The following EHBP1 variants were observed in gnomAD, a reference collection of about 807,000 sequenced individuals.
EHBP1 encodes the protein EH domain-binding protein 1.
A neutral mutation model predicts 144.0 loss-of-function variants in EHBP1; 55 were observed. That is an observed-to-expected ratio of 0.38 (90% confidence interval 0.31 to 0.48). The LOEUF is 0.48. Ranked by LOEUF, EHBP1 falls within the 20% of genes least tolerant of loss-of-function variation. The pLI is 0.98. For synonymous variants in EHBP1, 469 were observed against 472.7 expected (o/e 0.99, Z 0.10); for missense variants, 1,200 against 1,364.2 (o/e 0.88, Z 1.90).
chr2:62,792,903 GT>G (rs907146310), intron 5 of EHBP1, among the ~76,000 whole-genome samples: 68 of 147,904 alleles, frequency 4.6e-4, no homozygotes, highest in African/African-American at 1.0e-3. Context: ...AAATTGATAG[GT>G]TTTTTTTTTG....
intron 5 of EHBP1, among the ~76,000 whole-genome samples, chr2:62,780,830 A>T (rs2042372976): frequency 6.6e-6 from 1 of 152,216 alleles, no homozygotes; most frequent in African/African-American, 2.4e-5. Flanking sequence ...TTTTAGCAAC[A>T]GAGTACTGTT....
At chr2:62,978,084 T>C (rs1482181681) in intron 14 of EHBP1, among the ~76,000 whole-genome samples, 4 of 152,132 alleles carry the variant, frequency 2.6e-5, no homozygotes, top group African/African-American at 7.2e-5. Flanking sequence ...TGCAAAGATA[T>C]GTTGGGGCCA....
chr2:62,737,553 C>T (rs754282760), intron 2 of EHBP1, among the ~76,000 whole-genome samples: 3 of 152,126 alleles, frequency 2.0e-5, no homozygotes, highest in Admixed American at 6.6e-5. Flanking sequence ...GTTTGCCCTG[C>T]GACCTCATTT....
intron 7 of EHBP1, among the ~76,000 whole-genome samples, chr2:62,849,285 C>G (rs1437015546): frequency 6.6e-6 from 1 of 152,046 alleles, no homozygotes; most frequent in Non-Finnish European, 1.5e-5. Context: ...CCAAACTAGC[C>G]ATGTGGACAG....
chr2:62,945,137 T>A lies in EHBP1; in HGVS notation c.1413+1287T>A, dbSNP rs150534064. 5.2e-3 allele frequency among the ~76,000 whole-genome samples: 795 copies of A among 152,364 alleles called. 10 individuals are homozygous for A. The highest frequency in any genetic ancestry group is 0.018 in the African/African-American group (732 of 41,588). ...CGATATTTTCATGTCATGCTATAGT[T>A]GTTGCTGCAGATATCTGCAAATACC... On this transcript the variant is annotated intron_variant, in intron 12 of 22. Coordinates refer to ENST00000431489, the MANE Select transcript of EHBP1 (RefSeq NM_001142616.3).
In EHBP1 at chr2:62,762,744, C is replaced by T. The variant is rs530712697; in HGVS notation, c.163-1522C>T. Among the ~76,000 whole-genome samples the T allele has an allele frequency of 2.0e-5, 3 of 152,320 alleles. No homozygotes were observed. In the South Asian group the frequency reaches 6.2e-4, roughly 32 times the overall value. On this transcript the variant is annotated intron_variant, in intron 3 of 22. Coordinates refer to ENST00000431489, the MANE Select transcript of EHBP1 (RefSeq NM_001142616.3). ...CAAGCCAAGTAACCATCACATCTCC[C>T]TTGGATTATTGCAGTCGCTTTTTAA... is the stretch of plus-strand genomic sequence containing the variant.
rs567129256 is a variant in EHBP1 at position 62,753,794 on chromosome 2, A to C, written c.162+6342A>C. Among the ~76,000 whole-genome samples the C allele has an allele frequency of 4.7e-4, 71 of 152,282 alleles. 1 individual carries two copies. Among genetic ancestry groups the C allele is most frequent in the African/African-American group, 1.5e-3 (63 of 41,552 alleles). ...TTCCAGTTGATTGAATCGGCTACTG[A>C]AGCTTGTGCATTTGTCACGTAGTTC... is the stretch of plus-strand genomic sequence containing the variant. On this transcript the variant is annotated intron_variant, in intron 3 of 22. Transcript: ENST00000431489.
chr2:62,773,373 A>C (rs890728915), intron 5 of EHBP1, among the ~76,000 whole-genome samples: 16 of 152,198 alleles, frequency 1.1e-4, no homozygotes, highest in African/African-American at 3.9e-4. Flanking sequence ...TGAGATGTGT[A>C]CAGGACCCCT....
intron 8 of EHBP1, among the ~76,000 whole-genome samples, chr2:62,864,371 A>G (rs749970201): frequency 5.3e-5 from 8 of 152,226 alleles, no homozygotes; most frequent in Non-Finnish European, 1.2e-4. Context: ...GCAAGCTGGT[A>G]GACTACAATA....
At chr2:62,749,992 G>A (rs1482795467) in intron 3 of EHBP1, among the ~76,000 whole-genome samples, 1 of 151,918 alleles carries the variant, frequency 6.6e-6, no homozygotes, top group Non-Finnish European at 1.5e-5. Flanking sequence ...GTTTAATTAA[G>A]TACCATTTGT....
At chr2:62,835,783 C>T (rs1162286816) in intron 7 of EHBP1, among the ~76,000 whole-genome samples, 1 of 152,172 alleles carries the variant, frequency 6.6e-6, no homozygotes, top group South Asian at 2.1e-4. Context: ...GCTTTTCAGA[C>T]CGGCTTAAAA....
intron 19 of EHBP1, among the ~76,000 whole-genome samples, chr2:62,999,059 C>A (rs1324186519): frequency 6.6e-6 from 1 of 151,998 alleles, no homozygotes; most frequent in Non-Finnish European, 1.5e-5. Context: ...AGTGTACTTT[C>A]TGATTCTCAG....
rs989738412 is a variant in EHBP1, at chr2:62,707,182, A to C, written c.-10A>C. The C allele has an allele frequency of 6.2e-7, 1 of 1,612,966 alleles. No individual in the cohort carries two copies. Among genetic ancestry groups the C allele is most frequent in the South Asian group, 1.1e-5 (1 of 91,064 alleles). On this transcript the variant is annotated 5_prime_UTR_variant, in exon 2 of 23. Coordinates refer to ENST00000431489, the MANE Select transcript of EHBP1 (RefSeq NM_001142616.3). ...AACCCAGAACTGCTCCAGTGTCTTG[A>C]CTGATCATCATGGCTTCAGTTTGGA...
intron 5 of EHBP1, among the ~76,000 whole-genome samples, chr2:62,822,084 C>G (rs958489735): frequency 6.6e-6 from 1 of 151,954 alleles, no homozygotes. Context: ...TCATTCTAAC[C>G]AAAAGTTTTT....
At chr2:63,034,683 C>T (rs2061388201) in intron 19 of EHBP1, among the ~76,000 whole-genome samples, 1 of 151,854 alleles carries the variant, frequency 6.6e-6, no homozygotes, top group African/African-American at 2.4e-5. Context: ...TTAAATCAAT[C>T]CTTTGTACTT....
intron 7 of EHBP1, among the ~76,000 whole-genome samples, chr2:62,844,042 T>A (rs1384788363): frequency 1.3e-5 from 2 of 152,212 alleles, no homozygotes; most frequent in African/African-American, 2.4e-5. Flanking sequence ...CACTAAAAAT[T>A]ATATTGAATG....
At chr2:62,955,440 T>G in intron 13 of EHBP1, 77 bp from the exon 14 acceptor site, 1 of 1,384,310 alleles carries the variant, frequency 7.2e-7, no homozygotes, top group Non-Finnish European at 9.9e-7. Flanking sequence ...CAGCAGATTG[T>G]CTAACCTTTC....
At chr2:62,972,973 G>T (rs553564569) in intron 14 of EHBP1, among the ~76,000 whole-genome samples, 1 of 152,072 alleles carries the variant, frequency 6.6e-6, no homozygotes, top group Admixed American at 6.6e-5. Flanking sequence ...TTTTTCTATT[G>T]TGTAGAGAAC....
At position 63,045,155 on chromosome 2, in the gene EHBP1, A is replaced by T. The variant is rs1466465096; in HGVS notation, c.3367A>T (p.Arg1123Trp). Residue 1123 changes from arginine to tryptophan, a missense_variant, in exon 22 of 23, where the codon AGG becomes TGG. Coordinates refer to ENST00000431489, the MANE Select transcript of EHBP1 (RefSeq NM_001142616.3). This position sits in a 1 kb window ranked among gnomAD's most constrained non-coding sequence, Gnocchi z 5.7. ...GGTGAACAAGCGCGATGCGCTCGTC[A>T]GGGACCTGGACGCGCAGGAGAAGCA... ...ALVNKRDALV[R>W]DLDAQEKQAE... The T allele has an allele frequency of 1.3e-6, 2 of 1,594,276 alleles. No homozygotes were observed. The highest frequency in any genetic ancestry group is 2.3e-5 in the South Asian group (2 of 88,064).
Sources: allele counts gnomAD v4.1 joint callset (sites outside exome capture counted in the v4.1 genomes callset), GRCh38; gene constraint gnomAD v4.1.1; non-coding constraint Gnocchi (gnomAD v3.1); transcripts MANE v1.5; gene names NCBI Gene and HGNC (gene_info 2026-07-23, HGNC 2026-07-21).